The following FARP1 variants were observed in gnomAD, a reference collection of about 807,000 sequenced individuals.
FARP1 encodes the protein FERM, ARHGEF and pleckstrin domain-containing protein 1.
FARP1 carries 52 observed loss-of-function variants against 128.8 expected under a neutral mutation model. The observed-to-expected ratio is 0.40, with a 90% CI of 0.32 to 0.51. The LOEUF is 0.51. Ranked by LOEUF, FARP1 falls within the 20% of genes least tolerant of loss-of-function variation. The pLI, the probability that FARP1 is intolerant of heterozygous loss-of-function variation, is 0.45. For missense variants in FARP1, 1,333 were observed against 1,367.9 expected, an observed-to-expected ratio of 0.97 and a Z score of 0.40; for synonymous variants, 580 against 551.8, an observed-to-expected ratio of 1.05 and a Z score of -0.72.
intron 3 of FARP1, among the ~76,000 whole-genome samples, chr13:98,363,009 G>A (rs868629470): frequency 6.6e-6 from 1 of 152,172 alleles, no homozygotes; most frequent in African/African-American, 2.4e-5. Context: ...TGTCTTGCCT[G>A]GACAATTGCC....
At chr13:98,417,465 A>AGGG (rs1486659339) in intron 16 of FARP1, among the ~76,000 whole-genome samples, 9 of 132,564 alleles carry the variant, frequency 6.8e-5, no homozygotes, top group Non-Finnish European at 1.2e-4. Flanking sequence ...GAAAAAAAAA[A>AGGG]AAAAAAAAAA....
intron 2 of FARP1, chr13:98,333,638 T>C (rs1329212887): frequency 6.6e-6 from 1 of 152,236 alleles, no homozygotes; most frequent in African/African-American, 2.4e-5. Flanking sequence ...TGAAGTGTGT[T>C]TAACGAGGGT....
At chr13:98,431,361 G>A (rs537776566) in intron 18 of FARP1, 81 bp downstream of exon 18, 1 of 921,132 alleles carries the variant, frequency 1.1e-6, no homozygotes. Context: ...CAGCCAGGGA[G>A]GGGCTCCCCG....
chr13:98,232,844 A>G (rs1171812676), intron 2 of FARP1, among the ~76,000 whole-genome samples: 1 of 152,202 alleles, frequency 6.6e-6, no homozygotes, highest in Non-Finnish European at 1.5e-5. Flanking sequence ...TTTCAATACT[A>G]CTGTCTGATT....
intron 1 of FARP1, among the ~76,000 whole-genome samples, chr13:98,155,245 C>G (rs1315492817): frequency 6.7e-6 from 1 of 149,080 alleles, no homozygotes; most frequent in African/African-American, 2.5e-5. Context: ...ACTTGGGAGG[C>G]TGATGCAGGA....
intron 1 of FARP1, among the ~76,000 whole-genome samples, chr13:98,180,918 A>G (rs992683102): frequency 1.1e-4 from 16 of 152,152 alleles, no homozygotes; most frequent in Non-Finnish European, 1.6e-4. Flanking sequence ...GTATGAGTCT[A>G]TGATGCCTTA....
At chr13:98,429,925 C>A (rs571789692) in intron 17 of FARP1, among the ~76,000 whole-genome samples, 2 of 152,268 alleles carry the variant, frequency 1.3e-5, no homozygotes, top group Admixed American at 1.3e-4. Flanking sequence ...CAAATATACA[C>A]CCACATACAT....
chr13:98,147,372 G>C (rs1875648769), intron 1 of FARP1, among the ~76,000 whole-genome samples: 1 of 151,752 alleles, frequency 6.6e-6, no homozygotes, highest in Admixed American at 6.6e-5. Flanking sequence ...AATTAATGTG[G>C]GAATTCATCA....
chr13:98,442,372 T>TA (rs1229916211), intron 24 of FARP1, among the ~76,000 whole-genome samples: 1 of 152,214 alleles, frequency 6.6e-6, no homozygotes, highest in Non-Finnish European at 1.5e-5. Context: ...GACCTGCCTT[T>TA]ATTGAGTTTC....
At chr13:98,448,061 T>G (rs1276353106) in intron 26 of FARP1, 175 bp from the exon 27 acceptor site, 2 of 630,102 alleles carry the variant, frequency 3.2e-6, no homozygotes, top group African/African-American at 3.7e-5. Context: ...CCAGTGGGTC[T>G]CCACTGTACC....
At chr13:98,444,792 T>TGTGA (rs1021658757) in intron 24 of FARP1, among the ~76,000 whole-genome samples, 1 of 152,210 alleles carries the variant, frequency 6.6e-6, no homozygotes, top group Non-Finnish European at 1.5e-5. Context: ...GTGAAAATTA[T>TGTGA]GTGAGTCAGT....
In FARP1 at chr13:98,218,195, C is replaced by T. The variant is rs189812434; in HGVS notation, c.171+4782C>T. ...GTTCTTACCTCTTTCTAAACACCCA[C>T]GCCATCCTCACCCCGAACACATTGA... On this transcript the variant is annotated intron_variant, in intron 2 of 26. Transcript: ENST00000319562. Among the ~76,000 whole-genome samples the T allele has an allele frequency of 2.8e-3, 429 of 151,842 alleles. 2 individuals are homozygous for T. Among genetic ancestry groups the T allele is most frequent in the Non-Finnish European group, 5.0e-3 (342 of 67,950 alleles).
intron 2 of FARP1, among the ~76,000 whole-genome samples, chr13:98,219,435 G>A (rs549633595): frequency 3.0e-4 from 46 of 151,782 alleles, no homozygotes; most frequent in Admixed American, 8.5e-4. Context: ...GCTCACTGCA[G>A]CCTCAAACTC....
At chr13:98,257,508 C>T (rs1185094938) in intron 2 of FARP1, among the ~76,000 whole-genome samples, 3 of 152,140 alleles carry the variant, frequency 2.0e-5, no homozygotes, top group African/African-American at 4.8e-5. Flanking sequence ...TGCAGTGGCT[C>T]ATGTCTGTAA....
In FARP1 at chr13:98,440,108, CG is replaced by C. The variant is rs752837371; in HGVS notation, c.2517-14del. ...TGTGCTGTGGCCTGAACACCTGACG[CG>C]TCTCTGTCTCCAGTTCTCGGTCCGA... On this transcript the variant is annotated splice_polypyrimidine_tract_variant and intron_variant, in intron 22 of 26. Coordinates refer to ENST00000319562, the MANE Select transcript of FARP1 (RefSeq NM_005766.4). The C allele has an allele frequency of 1.9e-5, 31 of 1,609,956 alleles. No individual in the cohort carries two copies. The highest frequency in any genetic ancestry group is 2.6e-5 in the Non-Finnish European group (30 of 1,176,344).
chr13:98,273,561 T>C (rs1286608054), intron 2 of FARP1, among the ~76,000 whole-genome samples: 1 of 152,216 alleles, frequency 6.6e-6, no homozygotes, highest in African/African-American at 2.4e-5. Flanking sequence ...GCTTAGGAAT[T>C]TCTTTTTAGT....
At chr13:98,207,970 T>A (rs1223573487) in intron 1 of FARP1, among the ~76,000 whole-genome samples, 3 of 41,574 alleles carry the variant, frequency 7.2e-5, no homozygotes, top group Non-Finnish European at 9.2e-5. Context: ...ACACACACAC[T>A]TTGATTCATT....
At chr13:98,142,889 C>T (rs1445596985), upstream of FARP1, 2 of 151,784 alleles carry the variant, frequency 1.3e-5, no homozygotes, top group Non-Finnish European at 2.9e-5. Context: ...AAGAGAGGCG[C>T]AGATCCCCGG....
In FARP1 at chr13:98,335,008, C is replaced by T. The variant is rs1887682518; in HGVS notation, c.172-8754C>T. ...TTTCCATCTGTGTTTACCTAGCAAA[C>T]TCCTACTCATCCTTCAGGACCCATT... On this transcript the variant is annotated intron_variant, in intron 2 of 26. Coordinates refer to ENST00000319562, the MANE Select transcript of FARP1 (RefSeq NM_005766.4). Among the ~76,000 whole-genome samples, 3 of 152,334 alleles carry T rather than the reference C, an allele frequency of 2.0e-5. No individual in the cohort carries two copies. The South Asian group carries it at 6.2e-4, about 32-fold the overall frequency.
Sources: gnomAD v4.1 joint callset for allele counts (sites outside exome capture counted in the v4.1 genomes callset) on GRCh38, gnomAD v4.1.1 for gene constraint, MANE v1.5 for transcripts, NCBI Gene and HGNC (gene_info 2026-07-23, HGNC 2026-07-21) for gene names.